KIAA0586: variants seen among roughly 807,000 people sequenced by gnomAD.
KIAA0586 encodes the protein KIAA0586.
In KIAA0586, 144 loss-of-function variants were observed where a neutral mutation model predicts 169.8. The observed-to-expected ratio is 0.85, with a 90% CI of 0.74 to 0.97. The LOEUF is 0.97. KIAA0586 is among the 50% of genes least tolerant of loss of function. The pLI is 0.00. For synonymous variants in KIAA0586, 625 were observed against 612.4 expected, an observed-to-expected ratio of 1.02 and a Z score of -0.30; for missense variants, 1,854 against 1,823.0, an observed-to-expected ratio of 1.02 and a Z score of -0.31.
Position 58,485,378 on chromosome 14 carries a change from C to G in KIAA0586, c.3145-1629C>G, listed in dbSNP as rs186872997. ...ATTGCATTTTTACTGATCAGATCGG[C>G]AAAACTCTAAAAGTTTGATAAATCT... On this transcript the variant is annotated intron_variant, in intron 21 of 30. Coordinates refer to ENST00000652326, the MANE Select transcript of KIAA0586 (RefSeq NM_001329943.3). 1.2e-3 allele frequency among the ~76,000 whole-genome samples: 187 copies of G among 152,136 alleles called. 1 individual carries two copies. The highest frequency in any genetic ancestry group is 3.4e-3 in the African/African-American group (140 of 41,498).
chr14:58,484,918 ATATATATTTT>A (rs2042323613), intron 21 of KIAA0586, among the ~76,000 whole-genome samples: 1 of 7,432 alleles, frequency 1.3e-4, no homozygotes, highest in African/African-American at 4.3e-4. Flanking sequence ...ATATATATAT[ATATATATTTT>A]TTTTTTTTTT....
intron 14 of KIAA0586, among the ~76,000 whole-genome samples, chr14:58,463,419 T>G (rs1490977133): frequency 6.6e-6 from 1 of 152,208 alleles, no homozygotes. Flanking sequence ...ACAAACATTT[T>G]AAATAAACAC....
At chr14:58,473,918 A>C (rs574801658) in intron 18 of KIAA0586, among the ~76,000 whole-genome samples, 1 of 152,100 alleles carries the variant, frequency 6.6e-6, no homozygotes, top group South Asian at 2.1e-4. Flanking sequence ...AAGAAAAAAA[A>C]AAAGTAAAGA....
At chr14:58,502,124 C>G (rs1053807398) in intron 27 of KIAA0586, among the ~76,000 whole-genome samples, 8 of 151,994 alleles carry the variant, frequency 5.3e-5, no homozygotes, top group African/African-American at 1.9e-4. Flanking sequence ...AGATGGAAAC[C>G]ATAATGTCTT....
chr14:58,537,851 G>A (rs2012395), intron 29 of KIAA0586, among the ~76,000 whole-genome samples: 55,005 of 151,552 alleles, frequency 0.36, 10,346 homozygotes, highest in African/African-American at 0.46. Flanking sequence ...GTTTCACCGT[G>A]TTAGCCAGGA....
intron 27 of KIAA0586, among the ~76,000 whole-genome samples, chr14:58,500,181 G>A (rs1193888126): frequency 6.6e-6 from 1 of 152,210 alleles, no homozygotes; most frequent in Non-Finnish European, 1.5e-5. Flanking sequence ...GGGAAATACA[G>A]GATTAGGTTT....
chr14:58,448,545 T>G, intron 7 of KIAA0586, 52 bp downstream of exon 7: 2 of 1,345,862 alleles, frequency 1.5e-6, no homozygotes, highest in Non-Finnish European at 2.1e-6. Flanking sequence ...TGAATTTTCT[T>G]TGTGCTACAT....
chr14:58,438,830 A>G lies in KIAA0586; in HGVS notation c.411-3876A>G, dbSNP rs544498631. Among the ~76,000 whole-genome samples, 14 of 152,308 alleles carry G rather than the reference A, an allele frequency of 9.2e-5. No homozygotes were observed. In the South Asian group the frequency reaches 2.7e-3, roughly 29 times the overall value. ...GCAGAGTGAGGCAAAGTGTGGAGTC[A>G]CTTGTGGGCATGGCATGGTATATGT... On this transcript the variant is annotated intron_variant, in intron 4 of 30. Transcript: ENST00000652326.
Position 58,428,421 on chromosome 14 carries a change from CT to C in KIAA0586, c.159del (p.Pro54LeufsTer8). On this transcript the variant is annotated frameshift_variant, in exon 1 of 31. Transcript: ENST00000652326. LOFTEE classifies it high-confidence loss of function. ...TCCGGCATTGTCTGCAAATAAACGTCTTCCTGTTGGAACGGGGACTAGTTTG... is the reference window on the plus strand; with the variant it reads ...TCCGGCATTGTCTGCAAATAAACGTCTCCTGTTGGAACGGGGACTAGTTTG... ...VPPALSANKR[L>X]PVGTGTSLNG... 4 of 1,613,978 alleles carry C rather than the reference CT, an allele frequency of 2.5e-6. No individual in the cohort carries two copies. Among genetic ancestry groups the C allele is most frequent in the Non-Finnish European group, 3.4e-6 (4 of 1,179,864 alleles).
At chr14:58,497,837 A>G (rs2043266272) in intron 26 of KIAA0586, among the ~76,000 whole-genome samples, 1 of 151,070 alleles carries the variant, frequency 6.6e-6, no homozygotes, top group Non-Finnish European at 1.5e-5. Context: ...TGTATGAACA[A>G]TGTGTAATGC....
chr14:58,478,303 T>A (rs1007791704), intron 20 of KIAA0586, among the ~76,000 whole-genome samples: 11 of 152,244 alleles, frequency 7.2e-5, no homozygotes, highest in African/African-American at 2.6e-4. Flanking sequence ...GCCAACATAG[T>A]GAAACCCCGT....
intron 26 of KIAA0586, 40 bp downstream of exon 26, chr14:58,492,315 A>G: frequency 2.7e-6 from 4 of 1,493,538 alleles, no homozygotes; most frequent in African/African-American, 1.4e-5. Context: ...GGTTAGATCT[A>G]AATACAGGAA....
intron 6 of KIAA0586, among the ~76,000 whole-genome samples, chr14:58,446,691 C>T (rs1179780826): frequency 6.6e-6 from 1 of 151,998 alleles, no homozygotes; most frequent in Non-Finnish European, 1.5e-5. Context: ...ATTTTCAAGA[C>T]TTAACAGGGT....
intron 8 of KIAA0586, among the ~76,000 whole-genome samples, chr14:58,452,591 G>A (rs925193824): frequency 5.9e-5 from 9 of 152,112 alleles, no homozygotes; most frequent in African/African-American, 1.7e-4. Context: ...TATAAAAGTC[G>A]TCTATTTTAC....
intron 28 of KIAA0586, among the ~76,000 whole-genome samples, chr14:58,510,722 C>A (rs921393108): frequency 1.3e-5 from 2 of 152,112 alleles, no homozygotes; most frequent in Admixed American, 6.6e-5. Context: ...GAAAACAACA[C>A]AAATGTCAAT....
intron 29 of KIAA0586, among the ~76,000 whole-genome samples, chr14:58,532,309 G>A (rs987045439): frequency 1.3e-5 from 2 of 152,148 alleles, no homozygotes; most frequent in African/African-American, 2.4e-5. Context: ...CTTCACTTCT[G>A]TTTCTCTGGC....
chr14:58,537,148 G>A lies in KIAA0586; in HGVS notation c.4430-2923G>A, dbSNP rs555281608. On this transcript the variant is annotated intron_variant, in intron 29 of 30. Transcript: ENST00000652326. ...AATACTCACCCTTCCAGTAAACCTC[G>A]TAAATCAACAAGTGAGAATTATGAA... is the stretch of plus-strand genomic sequence containing the variant. 1.8e-5 allele frequency: 19 copies of A among 1,079,194 alleles called. No individual in the cohort carries two copies. The East Asian group carries it at 5.4e-4, about 31-fold the overall frequency. The allele number at this position is 1,079,194 out of a possible 1,614,324, so 66.9% of individuals were successfully genotyped here. A position where few individuals can be genotyped will look rare whatever the true frequency, so the allele number is the denominator to read the frequency against.
intron 8 of KIAA0586, among the ~76,000 whole-genome samples, chr14:58,451,277 G>A (rs1411209487): frequency 3.3e-5 from 5 of 152,112 alleles, no homozygotes; most frequent in Non-Finnish European, 5.9e-5. Context: ...CCAGACTGGA[G>A]TACAATGGCG....
At chr14:58,529,313 C>G (rs1489107509) in intron 29 of KIAA0586, among the ~76,000 whole-genome samples, 3 of 152,138 alleles carry the variant, frequency 2.0e-5, no homozygotes, top group Non-Finnish European at 4.4e-5. Context: ...TGAAACTATT[C>G]CAAAGAATAG....
Sources: allele counts gnomAD v4.1 joint callset (sites outside exome capture counted in the v4.1 genomes callset), GRCh38; gene constraint gnomAD v4.1.1; transcripts MANE v1.5; gene names NCBI Gene and HGNC (gene_info 2026-07-23, HGNC 2026-07-21).